The following KIF26B variants were observed in gnomAD, a reference collection of about 807,000 sequenced individuals.
The protein encoded by KIF26B is kinesin-like protein KIF26B.
A neutral mutation model predicts 151.2 loss-of-function variants in KIF26B; 63 were observed. The observed-to-expected ratio is 0.42, with a 90% confidence interval of 0.34 to 0.51. The LOEUF is 0.51. Ranked by LOEUF, KIF26B falls within the 20% of genes least tolerant of loss-of-function variation. The pLI, the probability that KIF26B is intolerant of heterozygous loss-of-function variation, is 0.07. For synonymous variants in KIF26B, 1,357 were observed against 1,262.1 expected (o/e 1.08, Z -1.59); for missense variants, 2,813 against 2,913.6 (o/e 0.97, Z 0.79).
intron 4 of KIF26B, among the ~76,000 whole-genome samples, chr1:245,420,670 A>G (rs1359118204): frequency 1.3e-5 from 2 of 152,238 alleles, no homozygotes; most frequent in Non-Finnish European, 2.9e-5. Flanking sequence ...GTTCTGCCTC[A>G]GTTTCTTCAT....
intron 2 of KIF26B, among the ~76,000 whole-genome samples, chr1:245,186,490 A>G (rs1458601307): frequency 6.6e-6 from 1 of 152,222 alleles, no homozygotes; most frequent in Non-Finnish European, 1.5e-5. Flanking sequence ...GTGAGGTGAA[A>G]GGCAGCCCAG....
chr1:245,370,821 A>AGAT (rs2103012373), intron 3 of KIF26B: 1 of 358,568 alleles, frequency 2.8e-6, no homozygotes, highest in East Asian at 7.6e-5. Context: ...TCCCAAACTC[A>AGAT]GATGAAAGAG....
chr1:245,577,378 C>T (rs568732099), intron 5 of KIF26B, among the ~76,000 whole-genome samples: 1 of 148,262 alleles, frequency 6.7e-6, no homozygotes, highest in African/African-American at 2.4e-5. Context: ...CCCGACTCCC[C>T]CATCTGCCCT....
chr1:245,367,264 G>C lies in KIF26B; in HGVS notation c.896G>C (p.Ser299Thr), dbSNP rs182894190. ...AGCCTCCAGATGGCCACCAGTCCAA[G>C]CAATGGGAACATCCTCAATTCGGTG... is the stretch of plus-strand genomic sequence containing the variant. ...KVSLQMATSP[S>T]NGNILNSVAI... Residue 299 changes from serine to threonine, a missense_variant, in exon 3 of 15, where the codon AGC (serine) becomes ACC (threonine). Around this residue, in one of 3 missense-constraint regions of KIF26B, gnomAD observed 676 missense variants for 688.1 expected, o/e 0.98. Coordinates refer to ENST00000407071, the MANE Select transcript of KIF26B (RefSeq NM_018012.4). This position sits in a 1 kb window ranked among gnomAD's most constrained non-coding sequence, Gnocchi z 4.2. The C allele has an allele frequency of 1.9e-4, 310 of 1,606,452 alleles. 3 individuals carry two copies. In the East Asian group the frequency reaches 5.8e-3, roughly 30 times the overall value.
At position 245,374,059 on chromosome 1, in the gene KIF26B, CAAA is replaced by C. The variant is rs1172397969; in HGVS notation, c.999+6726_999+6728del. Among the ~76,000 whole-genome samples the C allele has an allele frequency of 1.4e-3, 24 of 17,486 alleles. 3 individuals are homozygous for C. Among genetic ancestry groups the C allele is most frequent in the Non-Finnish European group, 1.8e-3 (18 of 9,744 alleles). 11.5% of individuals were successfully genotyped at this position (17,486 alleles called of 152,430 possible). A position where few individuals can be genotyped will look rare whatever the true frequency, so the allele number is the denominator to read the frequency against. Reference sequence around the variant, plus strand: ...GTGACAGAGACCCGAGAACCTATCTCAAAAAAAAAAAAAAAAAAAAAAAAAAAA... The same window carrying C: ...GTGACAGAGACCCGAGAACCTATCTCAAAAAAAAAAAAAAAAAAAAAAAAA... On this transcript the variant is annotated intron_variant, in intron 3 of 14. Coordinates refer to ENST00000407071, the MANE Select transcript of KIF26B (RefSeq NM_018012.4).
chr1:245,234,542 T>G (rs1211062546), intron 2 of KIF26B: 1 of 152,378 alleles, frequency 6.6e-6, no homozygotes, highest in South Asian at 2.1e-4. Flanking sequence ...GGGAGAACTT[T>G]CCCAGTGTGG....
At chr1:245,573,424 G>A (rs2043084513) in intron 5 of KIF26B, among the ~76,000 whole-genome samples, 1 of 152,164 alleles carries the variant, frequency 6.6e-6, no homozygotes, top group African/African-American at 2.4e-5. Context: ...TCAGGAGGCT[G>A]AGGCAGAAGA....
At chr1:245,624,394 T>C (rs72762899) in intron 9 of KIF26B, among the ~76,000 whole-genome samples, 525 of 152,156 alleles carry the variant, frequency 3.5e-3, no homozygotes, top group Non-Finnish European at 6.4e-3. Context: ...ATATGGGGAG[T>C]TCCCGTTCCT....
chr1:245,169,328 GGTGTGTGTGTGTGTGTGT>G (rs58501579), intron 2 of KIF26B, among the ~76,000 whole-genome samples: 2 of 134,092 alleles, frequency 1.5e-5, no homozygotes, highest in African/African-American at 5.7e-5. Flanking sequence ...AACGGGCCAT[GGTGTGTGTGTGTGTGTGT>G]GTGTGTGTGT....
chr1:245,333,520 G>A (rs150558460), intron 2 of KIF26B, among the ~76,000 whole-genome samples: 13 of 152,328 alleles, frequency 8.5e-5, no homozygotes, highest in South Asian at 8.3e-4. Context: ...TTCTGGAGGT[G>A]GGCGGTGGTG....
chr1:245,282,484 T>C (rs897787359), intron 2 of KIF26B, among the ~76,000 whole-genome samples: 20 of 152,226 alleles, frequency 1.3e-4, no homozygotes, highest in African/African-American at 3.6e-4. Flanking sequence ...TTTCTTGGCC[T>C]TTCCCCACCT....
In KIF26B at chr1:245,706,205, G is replaced by A. The variant is rs2044839021; in HGVS notation, c.*3599G>A. On this transcript the variant is annotated 3_prime_UTR_variant, in exon 15 of 15. Coordinates refer to ENST00000407071, the MANE Select transcript of KIF26B (RefSeq NM_018012.4). ...AGCCGCATCTACCATCCAGGGTGGA[G>A]GTTCAAAAAGTCTTATACGCACCTA... is the stretch of plus-strand genomic sequence containing the variant. The A allele has an allele frequency of 6.6e-6, 1 of 152,220 alleles. No individual in the cohort carries two copies. Among genetic ancestry groups the A allele is most frequent in the African/African-American group, 2.4e-5 (1 of 41,458 alleles). The allele number at this position is 152,220 out of a possible 1,614,324, so 9.4% of individuals were successfully genotyped here.
chr1:245,281,822 T>G (rs1032373445), intron 2 of KIF26B, among the ~76,000 whole-genome samples: 2 of 152,008 alleles, frequency 1.3e-5, no homozygotes, highest in African/African-American at 4.8e-5. Context: ...TTTCTACATA[T>G]GGCTAGCCAG....
Position 245,685,950 on chromosome 1 carries a change from C to G in KIF26B, c.2967C>G (p.Thr989=). ...ATAATGGGTCCGAAGGTCAGCTGAC[C>G]AACAGAGAAGGCCCTGAACTCCCAG... is the stretch of plus-strand genomic sequence containing the variant. ...KEDNGSEGQL[T]NREGPELPAS... The change falls in exon 12 of 15, where the codon ACC becomes ACG. Residue 989 remains threonine, a synonymous_variant. Transcript: ENST00000407071. 1 of 1,608,734 alleles carries G rather than the reference C, an allele frequency of 6.2e-7. No individual in the cohort carries two copies. The highest frequency in any genetic ancestry group is 8.5e-7 in the Non-Finnish European group (1 of 1,177,740).
intron 8 of KIF26B, among the ~76,000 whole-genome samples, 189 bp downstream of exon 8, chr1:245,609,717 C>T (rs1420245590): frequency 6.6e-6 from 1 of 152,114 alleles, no homozygotes; most frequent in Non-Finnish European, 1.5e-5. Context: ...ATATTTGTAC[C>T]TTGACTCTAA....
At chr1:245,413,342 C>T (rs955017770) in intron 3 of KIF26B, among the ~76,000 whole-genome samples, 8 of 152,270 alleles carry the variant, frequency 5.3e-5, no homozygotes, top group Non-Finnish European at 7.3e-5. Flanking sequence ...GAGTCTAACA[C>T]GCAGATGTAA....
chr1:245,540,684 G>T lies in KIF26B; in HGVS notation c.1167-83G>T. The stretch of plus-strand genomic sequence containing the variant: ...TGATTAGGCCTCAGAAAGAACGAGG[G>T]GTTGTTTAAGAGAAAACGAAGTAAG... On this transcript the variant is annotated intron_variant, in intron 4 of 14. Coordinates refer to ENST00000407071, the MANE Select transcript of KIF26B (RefSeq NM_018012.4). The surrounding 1 kb of genome is among the most constrained non-coding windows in gnomAD (Gnocchi z 4.6). 8.3e-7 allele frequency: 1 copy of T among 1,211,000 alleles called. No individual in the cohort carries two copies. Among genetic ancestry groups the T allele is most frequent in the Non-Finnish European group, 1.2e-6 (1 of 812,332 alleles). The allele number at this position is 1,211,000 out of a possible 1,614,324, so 75.0% of individuals were successfully genotyped here.
chr1:245,472,253 C>T (rs1163128111), intron 4 of KIF26B, among the ~76,000 whole-genome samples: 3 of 152,170 alleles, frequency 2.0e-5, no homozygotes, highest in African/African-American at 4.8e-5. Flanking sequence ...GCGCCTTGCC[C>T]GTGGGAGGTT....
intron 4 of KIF26B, among the ~76,000 whole-genome samples, chr1:245,478,260 C>T (rs1660084391): frequency 1.3e-5 from 2 of 151,588 alleles, no homozygotes; most frequent in South Asian, 4.2e-4. Context: ...CTGGGTTTTC[C>T]CACGTTTGGC....
Sources: gnomAD v4.1 joint callset for allele counts (sites outside exome capture counted in the v4.1 genomes callset) on GRCh38, gnomAD v4.1.1 for gene constraint, gnomAD v4.1.1 regional missense constraint, Gnocchi (gnomAD v3.1) non-coding constraint, MANE v1.5 for transcripts, NCBI Gene and HGNC (gene_info 2026-07-23, HGNC 2026-07-21) for gene names.